Variants in TET3 observed in about 807,000 individuals in gnomAD.
The protein encoded by TET3 is methylcytosine dioxygenase TET3.
A neutral mutation model predicts 141.4 loss-of-function variants in TET3; 19 were observed. The observed-to-expected ratio is 0.13, with a 90% CI of 0.09 to 0.20. The LOEUF (loss-of-function observed/expected upper bound fraction) is 0.20. Among genes scored for constraint, TET3 ranks in the 10% least tolerant of loss-of-function variants. TET3 has a pLI of 1.00. For synonymous variants in TET3, 1,043 were observed against 980.9 expected, an observed-to-expected ratio of 1.06 and a Z score of -1.18; for missense variants, 1,874 against 2,356.9, an observed-to-expected ratio of 0.80 and a Z score of 4.24.
At chr2:74,048,771 G>T (rs1279221444) in intron 4 of TET3, among the ~76,000 whole-genome samples, 1 of 152,184 alleles carries the variant, frequency 6.6e-6, no homozygotes, top group Non-Finnish European at 1.5e-5. Flanking sequence ...CAGCTTAGTG[G>T]CTATGAGGGA....
chr2:74,012,424 A>C (rs986483519), intron 3 of TET3, among the ~76,000 whole-genome samples: 1 of 152,178 alleles, frequency 6.6e-6, no homozygotes, highest in African/African-American at 2.4e-5. Flanking sequence ...AGCATTTACC[A>C]TGTGTGGGGC....
At chr2:74,084,219 C>T (rs1006066111) in intron 6 of TET3, among the ~76,000 whole-genome samples, 1 of 152,148 alleles carries the variant, frequency 6.6e-6, no homozygotes, top group African/African-American at 2.4e-5. Flanking sequence ...GAAGGAAATT[C>T]CGGCACATGC....
rs780292480 is a variant in TET3 at position 74,047,088 on chromosome 2, C to T, written c.1171C>T (p.Pro391Ser). 5 of 1,613,992 alleles carry T rather than the reference C, an allele frequency of 3.1e-6. No homozygotes were observed. The South Asian group carries it at 4.4e-5, about 14-fold the overall frequency. The change falls in exon 4 of 12, where the codon CCT becomes TCT. Residue 391 changes from proline (P) to serine (S), a missense_variant. Physicochemically the swap from Pro to Ser is moderately conservative, Grantham distance 74 (BLOSUM62 -1). Coordinates refer to ENST00000409262, the MANE Select transcript of TET3 (RefSeq NM_001287491.2). ...SCPLPEALSP[P>S]APFRSPQSYL... ...CCCCCTTCCTGAGGCCTTGTCACCT[C>T]CTGCCCCTTTCAGATCTCCCCAGTC...
Position 74,100,405 on chromosome 2 carries a change from A to G in TET3, c.3617A>G (p.Lys1206Arg). The G allele has an allele frequency of 6.4e-7, 1 of 1,562,880 alleles. No individual in the cohort carries two copies. The highest frequency in any genetic ancestry group is 8.7e-7 in the Non-Finnish European group (1 of 1,153,534). ...TCTGTTTCCCCAGGCCTGTCTCTGAAGGGTGGATTGTCCCAGCAAGGCCTG... is the reference window on the plus strand; with the variant it reads ...TCTGTTTCCCCAGGCCTGTCTCTGAGGGGTGGATTGTCCCAGCAAGGCCTG... ...GITSDPGLSL[K>R]GGLSQQGLKP... Residue 1206 changes from lysine to arginine, a missense_variant, in exon 12 of 12, where the codon AAG (lysine) becomes AGG (arginine). Lys to Arg is a conservative substitution (Grantham distance 26). Coordinates refer to ENST00000409262, the MANE Select transcript of TET3 (RefSeq NM_001287491.2).
At chr2:74,029,312 TA>T (rs1473560646) in intron 3 of TET3, among the ~76,000 whole-genome samples, 1 of 152,188 alleles carries the variant, frequency 6.6e-6, no homozygotes, top group Non-Finnish European at 1.5e-5. Flanking sequence ...CTCAAGGGAA[TA>T]ATAAGCCCAA....
Position 73,986,358 on chromosome 2 carries a change from AC to A in TET3, c.-45del. ...TGGCCTTTGGAGGTGGCAGGAAACG[AC>A]TGTGGTTCTGCCCCAGCACCTATGA... On this transcript the variant is annotated 5_prime_UTR_variant, in exon 2 of 12. The change creates a new upstream start codon in the 5' untranslated region. Transcript: ENST00000409262. The A allele has an allele frequency of 8.1e-7, 1 of 1,231,486 alleles. No homozygotes were observed. The highest frequency in any genetic ancestry group is 1.0e-6 in the Non-Finnish European group (1 of 987,618). The allele number at this position is 1,231,486 out of a possible 1,614,324, so 76.3% of individuals were successfully genotyped here.
chr2:74,050,811 C>A (rs935805565), intron 4 of TET3, among the ~76,000 whole-genome samples: 1 of 151,920 alleles, frequency 6.6e-6, no homozygotes. Context: ...CTCAGCCTCC[C>A]AAAGTGCTGG....
At chr2:74,022,769 T>G (rs1044170914) in intron 3 of TET3, among the ~76,000 whole-genome samples, 6 of 152,140 alleles carry the variant, frequency 3.9e-5, no homozygotes, top group Non-Finnish European at 2.9e-5. Context: ...GCTGAGAGTC[T>G]GCTTTTTATT....
chr2:74,123,657 G>T, the TET3 span, among the ~76,000 whole-genome samples: 10 of 152,320 alleles, frequency 6.6e-5, no homozygotes, highest in African/African-American at 2.4e-4. Flanking sequence ...TGCCGAGGTT[G>T]CAGCCTCTGC....
intron 2 of TET3, among the ~76,000 whole-genome samples, chr2:73,995,988 C>T (rs1170790596): frequency 6.6e-6 from 1 of 152,146 alleles, no homozygotes; most frequent in Non-Finnish European, 1.5e-5. Context: ...GTGTGCGCCA[C>T]CCAGAGGCTC....
chr2:74,046,745 C>A lies in TET3; in HGVS notation c.828C>A (p.Gly276=). 1 of 1,613,886 alleles carries A rather than the reference C, an allele frequency of 6.2e-7. No individual in the cohort carries two copies. Among genetic ancestry groups the A allele is most frequent in the Non-Finnish European group, 8.5e-7 (1 of 1,179,888 alleles). ...GMKPPNCNCD[G]PECPDYLEWL... ...AACCACCCAACTGCAACTGCGATGG[C>A]CCAGAATGCCCTGACTACCTCGAGT... Residue 276 remains glycine, a synonymous_variant, in exon 4 of 12, where the codon GGC becomes GGA. Coordinates refer to ENST00000409262, the MANE Select transcript of TET3 (RefSeq NM_001287491.2). This position sits in a 1 kb window ranked among gnomAD's most constrained non-coding sequence, Gnocchi z 4.3.
At chr2:74,120,679 A>G in the TET3 span, 1 of 152,300 alleles carries the variant, frequency 6.6e-6, no homozygotes, top group East Asian at 1.9e-4. Flanking sequence ...GCCTGGACCC[A>G]GAACTCTGGG....
At chr2:74,039,253 C>T (rs1199481204) in intron 3 of TET3, among the ~76,000 whole-genome samples, 1 of 152,200 alleles carries the variant, frequency 6.6e-6, no homozygotes, top group Admixed American at 6.5e-5. Context: ...ACATGCTATT[C>T]CTTCCATCTG....
intron 3 of TET3, among the ~76,000 whole-genome samples, chr2:74,023,577 A>G (rs891919567): frequency 3.9e-5 from 6 of 152,314 alleles, no homozygotes; most frequent in African/African-American, 1.4e-4. Flanking sequence ...TGGAACTCAG[A>G]GTTTTTCTGC....
At chr2:74,003,228 G>A in intron 3 of TET3, 62 bp downstream of exon 3, 1 of 1,541,648 alleles carries the variant, frequency 6.5e-7, no homozygotes, top group Non-Finnish European at 8.8e-7. Flanking sequence ...GTGTTTGACC[G>A]GATTGGATAA....
intron 3 of TET3, among the ~76,000 whole-genome samples, chr2:74,045,314 C>T (rs1270622069): frequency 1.3e-5 from 2 of 152,176 alleles, no homozygotes; most frequent in Non-Finnish European, 2.9e-5. Flanking sequence ...GCTTTGAGAC[C>T]GTGTATACAT....
upstream of TET3, among the ~76,000 whole-genome samples, chr2:73,984,764 G>A (rs1466807067): frequency 1.3e-5 from 2 of 149,178 alleles, no homozygotes; most frequent in Non-Finnish European, 3.0e-5. The surrounding 1 kb of genome is among the most constrained non-coding windows in gnomAD (Gnocchi z 5.6). Context: ...CCGCCCACCC[G>A]ACCCCTCCCC....
the TET3 span, among the ~76,000 whole-genome samples, chr2:74,120,520 G>C: frequency 6.6e-6 from 1 of 152,228 alleles, no homozygotes; most frequent in African/African-American, 2.4e-5. Flanking sequence ...ACCCAAGGCA[G>C]GCGGCCCTGC....
intron 2 of TET3, among the ~76,000 whole-genome samples, chr2:73,989,659 T>C (rs2105073891): frequency 6.6e-6 from 1 of 152,274 alleles, no homozygotes; most frequent in Middle Eastern, 3.4e-3. Flanking sequence ...CTTCTCTGGG[T>C]CCTAATGTGA....
Sources: gnomAD v4.1 joint callset for allele counts (sites outside exome capture counted in the v4.1 genomes callset) on GRCh38, gnomAD v4.1.1 for gene constraint, Gnocchi (gnomAD v3.1) non-coding constraint, MANE v1.5 for transcripts, NCBI Gene and HGNC (gene_info 2026-07-23, HGNC 2026-07-21) for gene names.